SPTBN1: variants seen among roughly 807,000 people sequenced by gnomAD.
SPTBN1 encodes spectrin beta, non-erythrocytic 1, also known as spectrin beta chain, non-erythrocytic 1.
In SPTBN1, 32 loss-of-function variants were observed where a neutral mutation model predicts 266.4. That is an observed-to-expected ratio of 0.12 (90% CI 0.09 to 0.16). The LOEUF (loss-of-function observed/expected upper bound fraction) is 0.16, where lower values mean the gene tolerates loss of function less well. Ranked by LOEUF, SPTBN1 falls within the 10% of genes least tolerant of loss-of-function variation. SPTBN1 has a pLI of 1.00. For missense variants in SPTBN1, 2,296 were observed against 3,067.1 expected, an observed-to-expected ratio of 0.75 and a Z score of 5.94; for synonymous variants, 1,336 against 1,162.2, an observed-to-expected ratio of 1.15 and a Z score of -3.04.
chr2:54,475,449 G>T (rs1330591824), intron 1 of SPTBN1, among the ~76,000 whole-genome samples: 3 of 152,040 alleles, frequency 2.0e-5, no homozygotes, highest in Admixed American at 6.6e-5. Flanking sequence ...CCTTCTCTCT[G>T]TGGTCACATG....
At chr2:54,474,330 A>C (rs973024981) in intron 1 of SPTBN1, among the ~76,000 whole-genome samples, 1 of 152,170 alleles carries the variant, frequency 6.6e-6, no homozygotes, top group Non-Finnish European at 1.5e-5. Flanking sequence ...AGGGTGGACT[A>C]TATATTCTGG....
At chr2:54,583,362 A>G (rs1254398501) in intron 2 of SPTBN1, among the ~76,000 whole-genome samples, 3 of 152,062 alleles carry the variant, frequency 2.0e-5, no homozygotes, top group Non-Finnish European at 4.4e-5. Flanking sequence ...GCAATTTAAA[A>G]CCTTTTTAAG....
At chr2:54,517,470 C>T (rs933828090) in intron 1 of SPTBN1, among the ~76,000 whole-genome samples, 1 of 152,066 alleles carries the variant, frequency 6.6e-6, no homozygotes, top group Non-Finnish European at 1.5e-5. Flanking sequence ...TATTACTATA[C>T]TCTGTCATTG....
At chr2:54,612,921 G>T (rs1463971279) in intron 4 of SPTBN1, among the ~76,000 whole-genome samples, 1 of 152,148 alleles carries the variant, frequency 6.6e-6, no homozygotes, top group Non-Finnish European at 1.5e-5. Context: ...GAGGAGGAAG[G>T]CTCTAAGTAT....
chr2:54,558,185 G>T lies in SPTBN1; in HGVS notation c.148+31619G>T, dbSNP rs950530648. 4.2e-5 allele frequency: 41 copies of T among 985,262 alleles called. No homozygotes were observed. The highest frequency in any genetic ancestry group is 4.8e-5 in the Non-Finnish European group (40 of 829,902). 61.0% of individuals were successfully genotyped at this position (985,262 alleles called of 1,614,324 possible). ...GTCCAGGGCCCGGCCGGGGGTCGGC[G>T]GCTGCCGGGCGGCTGGGGCGACCGC... On this transcript the variant is annotated intron_variant, in intron 2 of 35. Coordinates refer to ENST00000356805, the MANE Select transcript of SPTBN1 (RefSeq NM_003128.3). This position sits in a 1 kb window ranked among gnomAD's most constrained non-coding sequence, Gnocchi z 4.6.
chr2:54,649,212 T>C lies in SPTBN1; in HGVS notation c.5202+22T>C. 2.5e-6 allele frequency: 4 copies of C among 1,579,880 alleles called. 1 individual carries two copies. The highest frequency in any genetic ancestry group is 3.5e-6 in the Non-Finnish European group (4 of 1,156,426). ...CACGGCAAGTACTTGAGGCAGTGCA[T>C]GAGTTGGTTGTGCAGTAAGCGATGG... On this transcript the variant is annotated intron_variant, in intron 25 of 35. Transcript: ENST00000356805. The surrounding 1 kb of genome is among the most constrained non-coding windows in gnomAD (Gnocchi z 6.7).
At chr2:54,618,244 G>A in intron 7 of SPTBN1, 51 bp downstream of exon 7, 1 of 1,426,844 alleles carries the variant, frequency 7.0e-7, no homozygotes. Context: ...GTACCATCCA[G>A]GTGTTAATGT....
At chr2:54,519,755 A>G (rs975304496) in intron 1 of SPTBN1, among the ~76,000 whole-genome samples, 2 of 152,144 alleles carry the variant, frequency 1.3e-5, no homozygotes, top group Admixed American at 6.5e-5. Context: ...TTGTAGGGGA[A>G]TGGATTAGGG....
chr2:54,501,941 G>A (rs1377392684), intron 1 of SPTBN1, among the ~76,000 whole-genome samples: 2 of 152,218 alleles, frequency 1.3e-5, no homozygotes, highest in Non-Finnish European at 2.9e-5. Context: ...GAAAATTTGT[G>A]TTGGGAGGTG....
chr2:54,494,115 C>T (rs1369377254), intron 1 of SPTBN1, among the ~76,000 whole-genome samples: 1 of 152,170 alleles, frequency 6.6e-6, no homozygotes, highest in African/African-American at 2.4e-5. Context: ...GGACAGCAGA[C>T]AGAGTGCAAG....
intron 35 of SPTBN1, 110 bp downstream of exon 35, chr2:54,667,756 T>A: frequency 2.0e-6 from 2 of 982,750 alleles, no homozygotes; most frequent in Non-Finnish European, 3.2e-6. Context: ...CAGTGATGGT[T>A]TCTATCACTG....
intron 1 of SPTBN1, chr2:54,515,874 A>G (rs1309834823): frequency 1.3e-5 from 2 of 152,078 alleles, no homozygotes; most frequent in Admixed American, 6.6e-5. Flanking sequence ...TTTTCATGCC[A>G]TAGATACATT....
At chr2:54,594,048 G>T (rs180911849) in intron 2 of SPTBN1, among the ~76,000 whole-genome samples, 8 of 152,056 alleles carry the variant, frequency 5.3e-5, no homozygotes, top group Admixed American at 2.6e-4. Context: ...GGTCAGGCTG[G>T]TCTTGAACTC....
At chr2:54,458,625 C>T (rs540803085) in intron 1 of SPTBN1, among the ~76,000 whole-genome samples, 1 of 152,282 alleles carries the variant, frequency 6.6e-6, no homozygotes, top group East Asian at 1.9e-4. Flanking sequence ...TGACTGGCAT[C>T]TAGTCAGAAG....
At chr2:54,576,997 A>T (rs1027645930) in intron 2 of SPTBN1, among the ~76,000 whole-genome samples, 3 of 152,208 alleles carry the variant, frequency 2.0e-5, no homozygotes, top group Non-Finnish European at 4.4e-5. Context: ...AGAGGGAGTC[A>T]TGAAACCATG....
chr2:54,494,693 CAGAA>C (rs1327621973), intron 1 of SPTBN1, among the ~76,000 whole-genome samples: 1 of 152,076 alleles, frequency 6.6e-6, no homozygotes, highest in Admixed American at 6.6e-5. Context: ...TCTCTAGCGA[CAGAA>C]AGCAGATCCA....
chr2:54,508,146 G>C (rs1212718634), intron 1 of SPTBN1, among the ~76,000 whole-genome samples: 1 of 152,138 alleles, frequency 6.6e-6, no homozygotes, highest in Non-Finnish European at 1.5e-5. Context: ...AAACTGCTTG[G>C]GTGATTTGAC....
At position 54,466,420 on chromosome 2, in the gene SPTBN1, G is replaced by T. The variant is rs1488342479; in HGVS notation, c.-48+9902G>T. Among the ~76,000 whole-genome samples the T allele has an allele frequency of 3.0e-4, 8 of 26,334 alleles. 4 individuals carry two copies. The African/African-American group carries it at 5.1e-3, about 17-fold the overall frequency. 17.3% of individuals were successfully genotyped at this position (26,334 alleles called of 152,430 possible). A position where few individuals can be genotyped will look rare whatever the true frequency, so the allele number is the denominator to read the frequency against. ...TACTAAAAATACAAAAAATTAGCCGGGCGTGGTAGCGGGCGCCTGTAGTCC... is the reference window on the plus strand; with the variant it reads ...TACTAAAAATACAAAAAATTAGCCGTGCGTGGTAGCGGGCGCCTGTAGTCC... On this transcript the variant is annotated intron_variant, in intron 1 of 35. Transcript: ENST00000356805.
chr2:54,581,577 C>CTTTTTTTTTTTTT (rs70944181), intron 2 of SPTBN1, among the ~76,000 whole-genome samples: 11 of 102,656 alleles, frequency 1.1e-4, no homozygotes, highest in South Asian at 3.7e-4. Context: ...TTTCTTTGCC[C>CTTTTTTTTTTTTT]TTTTTTTTTT....
Sources: gnomAD v4.1 joint callset for allele counts (sites outside exome capture counted in the v4.1 genomes callset) on GRCh38, gnomAD v4.1.1 for gene constraint, Gnocchi (gnomAD v3.1) non-coding constraint, MANE v1.5 for transcripts, NCBI Gene and HGNC (gene_info 2026-07-23, HGNC 2026-07-21) for gene names.